Variants in RANBP2 observed in about 807,000 individuals in gnomAD.
The protein encoded by RANBP2 is RAN binding protein 2.
A neutral mutation model predicts 303.6 loss-of-function variants in RANBP2; 57 were observed. That is an observed-to-expected ratio of 0.19 (90% CI 0.15 to 0.23). The LOEUF (loss-of-function observed/expected upper bound fraction) is 0.23. Ranked by LOEUF, RANBP2 falls within the 10% of genes least tolerant of loss-of-function variation. The pLI is 1.00. For synonymous variants in RANBP2, 1,167 were observed against 1,301.5 expected, an observed-to-expected ratio of 0.90 and a Z score of 2.23; for missense variants, 3,138 against 3,780.8, an observed-to-expected ratio of 0.83 and a Z score of 4.46.
At chr2:109,146,686 C>T in the RANBP2 span, among the ~76,000 whole-genome samples, 1 of 152,136 alleles carries the variant, frequency 6.6e-6, no homozygotes, top group African/African-American at 2.4e-5. Flanking sequence ...CAGGCTGGGA[C>T]CCTGAGGAAG....
chr2:109,001,887 G>A, the RANBP2 span, among the ~76,000 whole-genome samples: 2 of 151,690 alleles, frequency 1.3e-5, no homozygotes. Flanking sequence ...CCGCCACCAC[G>A]CCTGGCTTTT....
chr2:108,874,188 A>G, the RANBP2 span, among the ~76,000 whole-genome samples: 1 of 152,184 alleles, frequency 6.6e-6, no homozygotes, highest in African/African-American at 2.4e-5. Flanking sequence ...TATTTTGCAA[A>G]TCCTTATTGA....
the RANBP2 span, among the ~76,000 whole-genome samples, chr2:108,917,114 A>G: frequency 6.6e-6 from 1 of 152,200 alleles, no homozygotes; most frequent in African/African-American, 2.4e-5. Context: ...GTGTGCCAGA[A>G]TTTTCAGAGT....
At chr2:108,948,988 A>G in the RANBP2 span, among the ~76,000 whole-genome samples, 3 of 152,048 alleles carry the variant, frequency 2.0e-5, no homozygotes, top group East Asian at 5.8e-4. Flanking sequence ...AAACACATAC[A>G]TGTTTTTAGG....
the RANBP2 span, among the ~76,000 whole-genome samples, chr2:109,374,138 C>T: frequency 1.3e-5 from 2 of 152,214 alleles, no homozygotes; most frequent in African/African-American, 4.8e-5. Context: ...GTTCTGCCTC[C>T]ACTCTTGGGC....
chr2:109,634,119 CAAAAAA>C, the RANBP2 span, among the ~76,000 whole-genome samples: 515 of 56,154 alleles, frequency 9.2e-3, 3 homozygotes, highest in African/African-American at 0.039. Flanking sequence ...GACTCTGTCT[CAAAAAA>C]AAAAAAAAAA....
chr2:109,051,034 C>T, the RANBP2 span, among the ~76,000 whole-genome samples: 2 of 152,110 alleles, frequency 1.3e-5, no homozygotes, highest in African/African-American at 4.8e-5. Context: ...TTGGTCTCTC[C>T]AGTGCCCACA....
chr2:108,777,974 G>A (rs1474196108), intron 25 of RANBP2, among the ~76,000 whole-genome samples: 1 of 151,978 alleles, frequency 6.6e-6, no homozygotes. Context: ...CTGCCACCTA[G>A]AAACACATAA....
the RANBP2 span, among the ~76,000 whole-genome samples, chr2:109,259,755 G>A: frequency 2.0e-5 from 3 of 152,210 alleles, no homozygotes; most frequent in Admixed American, 6.5e-5. Context: ...GAGGCTTCAC[G>A]TAGGTGCATG....
At chr2:109,437,360 G>T in the RANBP2 span, among the ~76,000 whole-genome samples, 1 of 151,736 alleles carries the variant, frequency 6.6e-6, no homozygotes, top group African/African-American at 2.4e-5. Context: ...CATAAAGAAG[G>T]TAAGCACATC....
the RANBP2 span, among the ~76,000 whole-genome samples, chr2:109,657,887 T>C: frequency 6.6e-6 from 1 of 151,644 alleles, no homozygotes; most frequent in Non-Finnish European, 1.5e-5. Flanking sequence ...GCCTGGCTAA[T>C]TTTTGTATTT....
chr2:109,055,045 C>T, the RANBP2 span, among the ~76,000 whole-genome samples: 3 of 152,066 alleles, frequency 2.0e-5, no homozygotes, highest in Admixed American at 6.5e-5. Context: ...AGTTTTTTGC[C>T]CTTGCTATGA....
the RANBP2 span, among the ~76,000 whole-genome samples, chr2:109,228,105 C>G: frequency 2.0e-5 from 3 of 152,190 alleles, no homozygotes; most frequent in African/African-American, 7.2e-5. Context: ...TTGACACATA[C>G]AGGCAATCTC....
chr2:109,470,124 C>T, the RANBP2 span, among the ~76,000 whole-genome samples: 1 of 152,228 alleles, frequency 6.6e-6, no homozygotes, highest in Non-Finnish European at 1.5e-5. Flanking sequence ...ACCTTCTCAA[C>T]TACAAGGATT....
the RANBP2 span, among the ~76,000 whole-genome samples, chr2:109,482,059 C>T: frequency 6.6e-6 from 1 of 152,194 alleles, no homozygotes. Context: ...TTAATTTTCA[C>T]GATAAGGCAG....
the RANBP2 span, among the ~76,000 whole-genome samples, chr2:109,374,783 G>C: frequency 6.6e-6 from 1 of 152,222 alleles, no homozygotes; most frequent in Non-Finnish European, 1.5e-5. Context: ...TCTACCCAGC[G>C]CACAGCTGCC....
chr2:109,175,424 G>A, the RANBP2 span, among the ~76,000 whole-genome samples: 1 of 152,208 alleles, frequency 6.6e-6, no homozygotes, highest in Non-Finnish European at 1.5e-5. Context: ...CAAACTTTTT[G>A]GCAGTCGTCT....
chr2:109,526,558 T>A, the RANBP2 span, among the ~76,000 whole-genome samples: 1 of 152,152 alleles, frequency 6.6e-6, no homozygotes, highest in Non-Finnish European at 1.5e-5. Context: ...GTGATCCACC[T>A]GCCTTGGTCT....
chr2:108,810,795 G>A, the RANBP2 span, among the ~76,000 whole-genome samples: 61 of 152,330 alleles, frequency 4.0e-4, no homozygotes, highest in Admixed American at 1.2e-3. Flanking sequence ...GTACAGTTCA[G>A]CAGTGAAGCC....
Sources: gnomAD v4.1 joint callset for allele counts (sites outside exome capture counted in the v4.1 genomes callset) on GRCh38, gnomAD v4.1.1 for gene constraint, MANE v1.5 for transcripts, NCBI Gene and HGNC (gene_info 2026-07-23, HGNC 2026-07-21) for gene names.